The following ANKRD44 variants were observed in gnomAD, a reference collection of about 807,000 sequenced individuals.
ANKRD44 encodes the protein serine/threonine-protein phosphatase 6 regulatory ankyrin repeat subunit B.
Under a neutral mutation model 116.0 loss-of-function variants are expected in ANKRD44, and 35 were observed. That is an observed-to-expected ratio of 0.30 (90% CI 0.23 to 0.40). ANKRD44 has a LOEUF of 0.40. Ranked by LOEUF, ANKRD44 falls within the 10% of genes least tolerant of loss-of-function variation. The pLI, the probability that ANKRD44 is intolerant of heterozygous loss-of-function variation, is 1.00. For synonymous variants in ANKRD44, 435 were observed against 461.8 expected (o/e 0.94, Z 0.74); for missense variants, 1,014 against 1,242.6 (o/e 0.82, Z 2.77).
intron 1 of ANKRD44, among the ~76,000 whole-genome samples, chr2:197,288,548 A>G (rs1268943510): frequency 6.6e-6 from 1 of 152,234 alleles, no homozygotes; most frequent in Non-Finnish European, 1.5e-5. Flanking sequence ...AGTTTATCAC[A>G]GCACTATTCA....
At chr2:197,283,930 A>G (rs2083334424) in intron 1 of ANKRD44, among the ~76,000 whole-genome samples, 1 of 152,202 alleles carries the variant, frequency 6.6e-6, no homozygotes, top group South Asian at 2.1e-4. Flanking sequence ...GCTCAGTGAT[A>G]TCAGTATTCA....
At chr2:197,257,297 G>C (rs1446687378) in intron 1 of ANKRD44, among the ~76,000 whole-genome samples, 1 of 152,018 alleles carries the variant, frequency 6.6e-6, no homozygotes, top group Non-Finnish European at 1.5e-5. Flanking sequence ...ATATTTACCA[G>C]TTCAGTTTGG....
intron 25 of ANKRD44, 60 bp from the exon 26 acceptor site, chr2:196,995,521 A>G (rs1448179417): frequency 1.6e-6 from 2 of 1,240,324 alleles, no homozygotes; most frequent in South Asian, 2.6e-5. Context: ...GTTACTGAGA[A>G]ATTTCTTCAT....
At chr2:197,000,364 C>T (rs1343109199) in intron 23 of ANKRD44, 55 bp downstream of exon 23, 1 of 1,424,452 alleles carries the variant, frequency 7.0e-7, no homozygotes, top group East Asian at 2.3e-5. Context: ...TCTGCAACTG[C>T]AAAGCAGAGG....
At chr2:197,289,419 A>G (rs968089584) in intron 1 of ANKRD44, among the ~76,000 whole-genome samples, 1 of 152,210 alleles carries the variant, frequency 6.6e-6, no homozygotes, top group African/African-American at 2.4e-5. Context: ...TTTATGTTTA[A>G]AGAAAAGACT....
chr2:197,268,855 GA>G (rs1455815755), intron 1 of ANKRD44, among the ~76,000 whole-genome samples: 2 of 152,146 alleles, frequency 1.3e-5, no homozygotes, highest in East Asian at 1.9e-4. Context: ...TAACACTGGG[GA>G]AATCATGTTT....
intron 1 of ANKRD44, among the ~76,000 whole-genome samples, chr2:197,245,052 G>A (rs779691373): frequency 6.6e-6 from 1 of 152,142 alleles, no homozygotes; most frequent in South Asian, 2.1e-4. Flanking sequence ...AGGTGGGTCC[G>A]GATTTTGAGA....
intron 16 of ANKRD44, among the ~76,000 whole-genome samples, chr2:197,034,049 C>CCAGAGAGAGAGAGA (rs1491563139): frequency 1.5e-4 from 2 of 13,246 alleles, no homozygotes; most frequent in Non-Finnish European, 2.0e-4. Flanking sequence ...CATATGAGGG[C>CCAGAGAGAGAGAGA]TAGAGAGAGA....
intron 1 of ANKRD44, among the ~76,000 whole-genome samples, chr2:197,270,552 G>A (rs1376264897): frequency 6.6e-6 from 1 of 152,166 alleles, no homozygotes; most frequent in Non-Finnish European, 1.5e-5. Flanking sequence ...CATCCAGGTG[G>A]AATTTCTAAG....
intron 16 of ANKRD44, among the ~76,000 whole-genome samples, chr2:197,055,971 C>A (rs995681517): frequency 1.3e-5 from 2 of 152,112 alleles, no homozygotes; most frequent in Non-Finnish European, 2.9e-5. Context: ...CTCACTGTAA[C>A]CTCTAACTCC....
chr2:197,172,728 C>CTAA (rs1249803394), intron 2 of ANKRD44, among the ~76,000 whole-genome samples: 2 of 152,096 alleles, frequency 1.3e-5, no homozygotes, highest in Non-Finnish European at 2.9e-5. Flanking sequence ...CCACACCCAG[C>CTAA]TAATTTTTTG....
At chr2:197,026,881 G>C (rs1214020379) in intron 16 of ANKRD44, among the ~76,000 whole-genome samples, 1 of 152,018 alleles carries the variant, frequency 6.6e-6, no homozygotes, top group East Asian at 1.9e-4. Context: ...TATGCTGATG[G>C]GCTGAATATG....
chr2:197,027,082 C>G (rs1400178165), intron 16 of ANKRD44, among the ~76,000 whole-genome samples: 1 of 151,876 alleles, frequency 6.6e-6, no homozygotes. Flanking sequence ...ACATCTGGGC[C>G]AGGTGCGGTG....
chr2:197,149,637 A>G (rs531094068), intron 2 of ANKRD44, among the ~76,000 whole-genome samples: 47 of 152,216 alleles, frequency 3.1e-4, no homozygotes, highest in Non-Finnish European at 3.7e-4. Flanking sequence ...AAAGCAGCAG[A>G]ACCACAGAAA....
chr2:197,297,770 T>C (rs969998113), intron 1 of ANKRD44, among the ~76,000 whole-genome samples: 1 of 152,238 alleles, frequency 6.6e-6, no homozygotes, highest in Non-Finnish European at 1.5e-5. Context: ...GAAACCTTGA[T>C]AGAAGACTCC....
rs75600123 is a variant in ANKRD44, at chr2:197,153,225, C to CAAAAA, written c.112-6125_112-6121dup. Among the ~76,000 whole-genome samples, 130 of 69,198 alleles carry CAAAAA rather than the reference C, an allele frequency of 1.9e-3. 1 individual carries two copies. Among genetic ancestry groups the CAAAAA allele is most frequent in the East Asian group, 7.6e-3 (11 of 1,452 alleles). 45.4% of individuals were successfully genotyped at this position (69,198 alleles called of 152,430 possible). A position where few individuals can be genotyped will look rare whatever the true frequency, so the allele number is the denominator to read the frequency against. On this transcript the variant is annotated intron_variant, in intron 2 of 27. Transcript: ENST00000282272. The stretch of plus-strand genomic sequence containing the variant: ...TCTGGGTGACAGAGCAAGACCCTGC[C>CAAAAA]AAAAAAAAAAAAAAAAAAAAAAGAA...
intron 1 of ANKRD44, among the ~76,000 whole-genome samples, chr2:197,211,602 TAAAA>T: frequency 6.6e-6 from 1 of 152,178 alleles, no homozygotes; most frequent in East Asian, 1.9e-4. Flanking sequence ...TTAACTAACT[TAAAA>T]AAATTAACCA....
chr2:197,237,953 T>C (rs2082011290), intron 1 of ANKRD44, among the ~76,000 whole-genome samples: 2 of 152,212 alleles, frequency 1.3e-5, no homozygotes, highest in African/African-American at 4.8e-5. Flanking sequence ...CAATTCCCTC[T>C]ATCTAGAACA....
At chr2:196,980,522 T>G (rs1446413784) in intron 21 of ANKRD44, among the ~76,000 whole-genome samples, 1 of 152,260 alleles carries the variant, frequency 6.6e-6, no homozygotes, top group Non-Finnish European at 1.5e-5. Context: ...AATTTAATTT[T>G]CACCTAAACA....
Sources: gnomAD v4.1 joint callset for allele counts (sites outside exome capture counted in the v4.1 genomes callset) on GRCh38, gnomAD v4.1.1 for gene constraint, MANE v1.5 for transcripts, NCBI Gene and HGNC (gene_info 2026-07-23, HGNC 2026-07-21) for gene names.